The following SH3GL2 variants were observed in gnomAD, a reference collection of about 807,000 sequenced individuals.
SH3GL2 encodes the protein SH3 domain containing GRB2 like 2, endophilin A1, also known as endophilin-A1.
In SH3GL2, 24 loss-of-function variants were observed where a neutral mutation model predicts 46.0. The ratio of observed to expected loss-of-function variants is 0.52; its 90% CI spans 0.38 to 0.73. The LOEUF (loss-of-function observed/expected upper bound fraction) is 0.73, where lower values mean the gene tolerates loss of function less well. Ranked by LOEUF, SH3GL2 falls within the 30% of genes least tolerant of loss-of-function variation. The pLI is 0.00. For missense variants in SH3GL2, 413 were observed against 424.2 expected (o/e 0.97, Z 0.23); for synonymous variants, 196 against 147.1 (o/e 1.33, Z -2.40).
chr9:17,696,048 C>T (rs1416700018), intron 1 of SH3GL2, among the ~76,000 whole-genome samples: 1 of 152,122 alleles, frequency 6.6e-6, no homozygotes, highest in Non-Finnish European at 1.5e-5. Context: ...TGATACAAAT[C>T]ACAACTTCCC....
intron 1 of SH3GL2, among the ~76,000 whole-genome samples, chr9:17,679,333 G>C (rs959536440): frequency 5.3e-5 from 8 of 152,102 alleles, no homozygotes; most frequent in Non-Finnish European, 1.0e-4. Flanking sequence ...AGTTCTCCTT[G>C]AAGAGGTCCT....
At chr9:17,716,229 C>A (rs149449519) in intron 1 of SH3GL2, among the ~76,000 whole-genome samples, 3 of 152,002 alleles carry the variant, frequency 2.0e-5, no homozygotes, top group African/African-American at 7.2e-5. Context: ...TTTTTTGCTT[C>A]TTTGCAATGC....
At chr9:17,742,741 T>G (rs770864472) in intron 1 of SH3GL2, among the ~76,000 whole-genome samples, 2 of 152,210 alleles carry the variant, frequency 1.3e-5, no homozygotes, top group Non-Finnish European at 2.9e-5. Flanking sequence ...TATAATAGAT[T>G]AGAAGTATAA....
intron 1 of SH3GL2, among the ~76,000 whole-genome samples, chr9:17,711,319 A>G (rs1441242579): frequency 1.3e-5 from 2 of 151,984 alleles, no homozygotes; most frequent in South Asian, 4.1e-4. Context: ...TTATTGTGGC[A>G]TTCTTCACTA....
In SH3GL2 at chr9:17,787,465, C is replaced by A; in HGVS notation, c.417C>A (p.Phe139Leu). 1.2e-6 allele frequency: 2 copies of A among 1,612,854 alleles called. No homozygotes were observed. Among genetic ancestry groups the A allele is most frequent in the Non-Finnish European group, 1.7e-6 (2 of 1,178,992 alleles). ...DSLDIEVKQNFIDPLQNLHDK... is the reference protein window; with the variant it reads ...DSLDIEVKQNLIDPLQNLHDK... ...TGGACATAGAAGTGAAGCAGAACTT[C>A]ATTGACCCTCTTCAGAATCTTCATG... Residue 139 changes from phenylalanine to leucine, a missense_variant, in exon 5 of 9, where the codon TTC (phenylalanine) becomes TTA (leucine). Coordinates refer to ENST00000380607, the MANE Select transcript of SH3GL2 (RefSeq NM_003026.5).
intron 1 of SH3GL2, among the ~76,000 whole-genome samples, chr9:17,613,428 TAAC>T (rs1222581353): frequency 6.6e-6 from 1 of 152,092 alleles, no homozygotes; most frequent in Non-Finnish European, 1.5e-5. Flanking sequence ...TTTAGATAAA[TAAC>T]AACAATGGCA....
rs778509952 is a variant in SH3GL2, at chr9:17,795,863, C to T, written c.*120C>T. On this transcript the variant is annotated 3_prime_UTR_variant, in exon 9 of 9. Transcript: ENST00000380607. ...GCCGCAGTGGTCCACGTCATCCAGC[C>T]CCACCAAGTGACTTTGGTTGACTTG... The T allele has an allele frequency of 2.6e-6, 2 of 773,282 alleles. No homozygotes were observed. Among genetic ancestry groups the T allele is most frequent in the Non-Finnish European group, 4.2e-6 (2 of 477,108 alleles). The allele number at this position is 773,282 out of a possible 1,614,324, so 47.9% of individuals were successfully genotyped here.
chr9:17,717,587 G>C (rs12380583), intron 1 of SH3GL2, among the ~76,000 whole-genome samples: 10,067 of 152,162 alleles, frequency 0.066, 441 homozygotes, highest in Non-Finnish European at 0.1. Context: ...TACCATGCCA[G>C]ATGCTCAGGA....
intron 1 of SH3GL2, among the ~76,000 whole-genome samples, chr9:17,739,642 G>C (rs1822466945): frequency 6.6e-6 from 1 of 151,966 alleles, no homozygotes; most frequent in South Asian, 2.1e-4. Context: ...TCAGCACATT[G>C]TATATACTCA....
intron 1 of SH3GL2, among the ~76,000 whole-genome samples, chr9:17,746,568 C>G (rs1278458182): frequency 6.6e-6 from 1 of 152,168 alleles, no homozygotes; most frequent in African/African-American, 2.4e-5. Context: ...TATACAAGTA[C>G]TTTTGTCTGA....
intron 1 of SH3GL2, among the ~76,000 whole-genome samples, chr9:17,677,267 A>G (rs1295881094): frequency 6.6e-6 from 1 of 152,164 alleles, no homozygotes; most frequent in South Asian, 2.1e-4. Context: ...TCATGTTCAC[A>G]TTCACTGTAT....
intron 1 of SH3GL2, among the ~76,000 whole-genome samples, chr9:17,682,261 A>G (rs141386330): frequency 2.6e-4 from 40 of 152,280 alleles, no homozygotes; most frequent in Non-Finnish European, 2.2e-4. Flanking sequence ...ACATGCATGC[A>G]TATGTTTTTT....
chr9:17,767,936 A>G (rs1823363342), intron 3 of SH3GL2, among the ~76,000 whole-genome samples: 1 of 152,152 alleles, frequency 6.6e-6, no homozygotes, highest in South Asian at 2.1e-4. Flanking sequence ...ATCTTTGGGG[A>G]AAATATTGAA....
intron 1 of SH3GL2, among the ~76,000 whole-genome samples, chr9:17,673,702 C>T (rs1393836966): frequency 6.6e-6 from 1 of 152,176 alleles, no homozygotes; most frequent in East Asian, 1.9e-4. Flanking sequence ...CAATTCAGAA[C>T]TGCTTTTAGT....
At chr9:17,679,110 T>C (rs1412356050) in intron 1 of SH3GL2, among the ~76,000 whole-genome samples, 2 of 152,194 alleles carry the variant, frequency 1.3e-5, no homozygotes, top group Non-Finnish European at 2.9e-5. Flanking sequence ...GACTTGGCAA[T>C]GCGGGCTCTT....
At chr9:17,599,112 A>T (rs2134560001) in intron 1 of SH3GL2, among the ~76,000 whole-genome samples, 1 of 152,356 alleles carries the variant, frequency 6.6e-6, no homozygotes, top group South Asian at 2.1e-4. Flanking sequence ...TTTGAGAAAT[A>T]AAATTTAATC....
At position 17,616,819 on chromosome 9, in the gene SH3GL2, A is replaced by G. The variant is rs560249422; in HGVS notation, c.45+37532A>G. Among the ~76,000 whole-genome samples, 6 of 152,314 alleles carry G rather than the reference A, an allele frequency of 3.9e-5. No individual in the cohort carries two copies. In the South Asian group the frequency reaches 1.2e-3, roughly 32 times the overall value. On this transcript the variant is annotated intron_variant, in intron 1 of 8. Coordinates refer to ENST00000380607, the MANE Select transcript of SH3GL2 (RefSeq NM_003026.5). ...GATTTTTATACCATACAGACTAATAAAAATTAGTTTATGCACTTATTTGTT... is the reference window on the plus strand; with the variant it reads ...GATTTTTATACCATACAGACTAATAGAAATTAGTTTATGCACTTATTTGTT...
chr9:17,593,746 A>G (rs6475155), intron 1 of SH3GL2, among the ~76,000 whole-genome samples: 152,246 of 152,284 alleles, frequency 1, 76,104 homozygotes, highest in Middle Eastern at 1. Context: ...CCCGATGTTC[A>G]GAAAGGAGGT....
At chr9:17,739,120 G>A (rs1193346617) in intron 1 of SH3GL2, among the ~76,000 whole-genome samples, 2 of 152,066 alleles carry the variant, frequency 1.3e-5, no homozygotes, top group Non-Finnish European at 2.9e-5. Flanking sequence ...CAGGCCCAGG[G>A]TAGTTTGTAG....
Sources: allele counts gnomAD v4.1 joint callset (sites outside exome capture counted in the v4.1 genomes callset), GRCh38; gene constraint gnomAD v4.1.1; transcripts MANE v1.5; gene names NCBI Gene and HGNC (gene_info 2026-07-23, HGNC 2026-07-21).